FGF13: variants seen among roughly 807,000 people sequenced by gnomAD.
FGF13 encodes the protein fibroblast growth factor 13.
FGF13 carries 2 observed loss-of-function variants against 19.5 expected under a neutral mutation model. The ratio of observed to expected loss-of-function variants is 0.10; its 90% CI spans 0.04 to 0.32. The LOEUF (loss-of-function observed/expected upper bound fraction) is 0.32. FGF13 is among the 10% of genes least tolerant of loss of function. The probability of loss-of-function intolerance (pLI) is 1.00; values close to 1 mark genes in which losing one functional copy is unlikely to be tolerated. For synonymous variants in FGF13, 72 were observed against 76.9 expected (o/e 0.94, Z 0.33); for missense variants, 113 against 192.7 (o/e 0.59, Z 2.45).
Position 139,197,219 on chromosome X carries a change from CTA to C in FGF13, c.-113+6195_-113+6196del, listed in dbSNP as rs760813225. On this transcript the variant is annotated intron_variant, in intron 1 of 2. Transcript: ENST00000421460. ...CACCGTGTTAGTAATTTGCAAACCA[CTA>C]GTGGTGTGACTTCATATAAGCTACA... Among the ~76,000 whole-genome samples the C allele has an allele frequency of 8.0e-5, 9 of 112,406 alleles. No homozygotes were observed. The South Asian group carries it at 2.9e-3, about 37-fold the overall frequency.
At chrX:139,151,174 G>A (rs1211433816) in intron 1 of FGF13, among the ~76,000 whole-genome samples, 1 of 110,942 alleles carries the variant, frequency 9.0e-6, no homozygotes, top group Non-Finnish European at 1.9e-5. Flanking sequence ...AAATCTTACA[G>A]CTTGTTATTT....
At chrX:139,068,479 G>A (rs2092364805) in intron 1 of FGF13, among the ~76,000 whole-genome samples, 2 of 103,771 alleles carry the variant, frequency 1.9e-5, no homozygotes, top group African/African-American at 7.4e-5. Flanking sequence ...GCTCTTTTTT[G>A]GTTCCATATG....
intron 1 of FGF13, among the ~76,000 whole-genome samples, chrX:138,935,652 G>A (rs1299215956): frequency 9.0e-6 from 1 of 111,535 alleles, no homozygotes; most frequent in Admixed American, 9.5e-5. Flanking sequence ...TTGACATACA[G>A]TAAACTTGAC....
chrX:138,955,426 C>A (rs1021084789), intron 1 of FGF13, among the ~76,000 whole-genome samples: 3 of 111,980 alleles, frequency 2.7e-5, no homozygotes, highest in Middle Eastern at 4.6e-3. Flanking sequence ...AAATAGCAAA[C>A]GTTTGGTAGT....
chrX:138,884,307 G>T (rs980988116), intron 1 of FGF13, among the ~76,000 whole-genome samples: 2 of 112,229 alleles, frequency 1.8e-5, no homozygotes, highest in African/African-American at 6.5e-5. Flanking sequence ...GGGTAGTGGA[G>T]AACCTCAAAG....
intron 3 of FGF13, among the ~76,000 whole-genome samples, chrX:138,767,784 T>C (rs187586967): frequency 9.3e-4 from 105 of 112,370 alleles, no homozygotes; most frequent in Admixed American, 2.4e-3. Context: ...TCAGGGCATT[T>C]AAACTTTCTG....
chrX:139,033,027 C>CAAAAAAAA lies in FGF13; in HGVS notation c.-112-168385_-112-168378dup, dbSNP rs758766077. Reference sequence around the variant, plus strand: ...ACCAAAGTCAGAATATCTGATTATCCAAAAAAAAAAAAAAAAAAAAAAAAA... The same window carrying CAAAAAAAA: ...ACCAAAGTCAGAATATCTGATTATCCAAAAAAAAAAAAAAAAAAAAAAAAAAAAAAAAA... On this transcript the variant is annotated intron_variant, in intron 1 of 2. Transcript: ENST00000421460. Among the ~76,000 whole-genome samples, 9 of 27,271 alleles carry CAAAAAAAA rather than the reference C, an allele frequency of 3.3e-4. 1 individual carries two copies. Among genetic ancestry groups the CAAAAAAAA allele is most frequent in the Admixed American group, 1.6e-3 (3 of 1,864 alleles). The allele number at this position is 27,271 out of a possible 115,157, so 23.7% of individuals were successfully genotyped here. A position where few individuals can be genotyped will look rare whatever the true frequency, so the allele number is the denominator to read the frequency against.
At chrX:138,891,335 A>G (rs2091475970) in intron 1 of FGF13, among the ~76,000 whole-genome samples, 2 of 111,514 alleles carry the variant, frequency 1.8e-5, no homozygotes, top group South Asian at 3.8e-4. Flanking sequence ...CTGAATATCC[A>G]AAGTCAGGGT....
In FGF13 at chrX:138,634,201, C is replaced by A. The variant is rs990276606; in HGVS notation, c.602-1215G>T. Among the ~76,000 whole-genome samples the A allele has an allele frequency of 6.4e-5, 7 of 109,721 alleles. No individual in the cohort carries two copies. The Admixed American group carries it at 6.7e-4, about 11-fold the overall frequency. ...TTAAGTGTACACACATTTTTTTTTT[C>A]TTTTGTTTTTTGAAACGGAGTCTCA... On this transcript the variant is annotated intron_variant, in intron 4 of 4. Coordinates refer to ENST00000315930, the MANE Select transcript of FGF13 (RefSeq NM_004114.5).
At chrX:138,836,731 C>G (rs1221271222) in intron 3 of FGF13, among the ~76,000 whole-genome samples, 1 of 111,975 alleles carries the variant, frequency 8.9e-6, no homozygotes, top group Non-Finnish European at 1.9e-5. Flanking sequence ...AGTTCCGAAC[C>G]CTTGTTGAAG....
intron 1 of FGF13, among the ~76,000 whole-genome samples, chrX:139,054,366 G>A (rs1035274455): frequency 3.6e-5 from 4 of 109,733 alleles, no homozygotes; most frequent in East Asian, 2.9e-4. Context: ...CTCGTGATCC[G>A]CCCGCCTCAG....
chrX:138,738,251 A>T (rs905288150), intron 1 of FGF13, among the ~76,000 whole-genome samples: 1 of 112,066 alleles, frequency 8.9e-6, no homozygotes, highest in African/African-American at 3.2e-5. Context: ...AATCACCATG[A>T]ATAATTACTC....
At chrX:138,938,221 C>T (rs918862798) in intron 1 of FGF13, among the ~76,000 whole-genome samples, 3 of 111,575 alleles carry the variant, frequency 2.7e-5, no homozygotes, top group Non-Finnish European at 5.6e-5. Context: ...GGAGACCAAA[C>T]GGATGTGAAA....
chrX:138,845,958 C>T (rs1014970453), intron 3 of FGF13, among the ~76,000 whole-genome samples: 1 of 110,759 alleles, frequency 9.0e-6, no homozygotes, highest in Non-Finnish European at 1.9e-5. Flanking sequence ...AAAAAGAACC[C>T]GATTTTGTTC....
intron 3 of FGF13, among the ~76,000 whole-genome samples, chrX:138,753,065 T>C (rs1358887417): frequency 1.8e-5 from 2 of 112,279 alleles, no homozygotes; most frequent in Admixed American, 9.5e-5. Context: ...TGTGTTTATA[T>C]ATTTAATTAA....
At chrX:138,874,160 A>G (rs1461155516) in intron 1 of FGF13, among the ~76,000 whole-genome samples, 5 of 101,096 alleles carry the variant, frequency 4.9e-5, no homozygotes, top group Non-Finnish European at 9.8e-5. Flanking sequence ...TAATAAATAT[A>G]TATATATATA....
chrX:138,699,394 A>C (rs771453791), intron 3 of FGF13, among the ~76,000 whole-genome samples: 1 of 111,391 alleles, frequency 9.0e-6, no homozygotes, highest in Non-Finnish European at 1.9e-5. Flanking sequence ...AATATGTTCA[A>C]GTGACATCCT....
At chrX:139,004,215 G>A (rs756461755) in intron 1 of FGF13, among the ~76,000 whole-genome samples, 27 of 112,886 alleles carry the variant, frequency 2.4e-4, no homozygotes, top group African/African-American at 8.0e-4. Context: ...GCGCAGCGCC[G>A]GTGGGCTGGC....
chrX:139,018,211 A>G (rs1487729506), intron 1 of FGF13, among the ~76,000 whole-genome samples: 2 of 111,703 alleles, frequency 1.8e-5, no homozygotes, highest in African/African-American at 6.5e-5. Flanking sequence ...GATTGTATCA[A>G]ATGTCTCCAG....
Sources: allele counts gnomAD v4.1 joint callset (sites outside exome capture counted in the v4.1 genomes callset), GRCh38; gene constraint gnomAD v4.1.1; transcripts MANE v1.5; gene names NCBI Gene and HGNC (gene_info 2026-07-23, HGNC 2026-07-21).